The following IL1RAPL2 variants were observed in gnomAD, a reference collection of about 807,000 sequenced individuals.
IL1RAPL2 encodes X-linked interleukin-1 receptor accessory protein-like 2.
In IL1RAPL2, 3 loss-of-function variants were observed where a neutral mutation model predicts 44.1. That is an observed-to-expected ratio of 0.07 (90% CI 0.03 to 0.18). IL1RAPL2 has a LOEUF of 0.18. IL1RAPL2 is among the 10% of genes least tolerant of loss of function. The probability of loss-of-function intolerance (pLI) is 1.00; values close to 1 mark genes in which losing one functional copy is unlikely to be tolerated. For synonymous variants in IL1RAPL2, 181 were observed against 178.8 expected, an observed-to-expected ratio of 1.01 and a Z score of -0.10; for missense variants, 391 against 496.4, an observed-to-expected ratio of 0.79 and a Z score of 2.02.
intron 6 of IL1RAPL2, among the ~76,000 whole-genome samples, chrX:105,518,618 G>C (rs1425551386): frequency 1.8e-5 from 2 of 111,581 alleles, no homozygotes; most frequent in Non-Finnish European, 3.8e-5. Context: ...AGTAAAAGAA[G>C]AAAAGAGATT....
intron 2 of IL1RAPL2, among the ~76,000 whole-genome samples, chrX:104,920,402 A>T: frequency 9.1e-6 from 1 of 110,063 alleles, no homozygotes; most frequent in South Asian, 4.1e-4. Context: ...CCCCAGTGTT[A>T]GAGGTGGGGC....
At chrX:105,434,682 A>G (rs189893988) in intron 5 of IL1RAPL2, among the ~76,000 whole-genome samples, 2 of 112,196 alleles carry the variant, frequency 1.8e-5, no homozygotes, top group East Asian at 5.6e-4. Context: ...CTGTGATGAT[A>G]GTTTCCTTTG....
intron 2 of IL1RAPL2, among the ~76,000 whole-genome samples, chrX:104,689,382 C>T (rs1402063802): frequency 1.8e-5 from 2 of 111,319 alleles, no homozygotes; most frequent in Admixed American, 9.6e-5. Context: ...AGGGCTAGTG[C>T]AGGTAGAGCC....
In IL1RAPL2 at chrX:105,260,090, G is replaced by A. The variant is rs1280628422; in HGVS notation, c.544-7298G>A. On this transcript the variant is annotated intron_variant, in intron 4 of 10. Transcript: ENST00000372582. ...CCTGAAGGAGGTGGGTGGAGACCCT[G>A]GTTGGAAGGTCCCACTCAGTGAGGA... 3.6e-5 allele frequency among the ~76,000 whole-genome samples: 4 copies of A among 112,351 alleles called. No individual in the cohort carries two copies. The Admixed American group carries it at 3.7e-4, about 10-fold the overall frequency.
At chrX:104,685,260 C>T (rs1185536483) in intron 2 of IL1RAPL2, among the ~76,000 whole-genome samples, 1 of 112,107 alleles carries the variant, frequency 8.9e-6, no homozygotes, top group African/African-American at 3.2e-5. Context: ...TCAAGACTTC[C>T]ATGACTAATT....
At chrX:104,701,938 AT>A (rs912482511) in intron 2 of IL1RAPL2, among the ~76,000 whole-genome samples, 13 of 111,603 alleles carry the variant, frequency 1.2e-4, no homozygotes, top group Non-Finnish European at 2.4e-4. Flanking sequence ...GCTGATAAAA[AT>A]TTTTTTTGAA....
chrX:104,718,636 T>G (rs1328561794), intron 2 of IL1RAPL2, among the ~76,000 whole-genome samples: 1 of 111,473 alleles, frequency 9.0e-6, no homozygotes, highest in Non-Finnish European at 1.9e-5. Context: ...GTAAGTTTCC[T>G]GAGGCCTCTC....
intron 6 of IL1RAPL2, among the ~76,000 whole-genome samples, chrX:105,660,998 T>A (rs2037715955): frequency 9.0e-6 from 1 of 110,629 alleles, no homozygotes; most frequent in Admixed American, 9.6e-5. Flanking sequence ...GTTGGATAGA[T>A]TTAAAAAAAA....
chrX:105,754,039 G>C (rs1450436742), intron 9 of IL1RAPL2, among the ~76,000 whole-genome samples: 1 of 111,836 alleles, frequency 8.9e-6, no homozygotes, highest in African/African-American at 3.3e-5. Context: ...ATGAGTGGCT[G>C]CTTCATTTTA....
At chrX:104,948,274 T>G (rs1925453018) in intron 2 of IL1RAPL2, among the ~76,000 whole-genome samples, 1 of 109,767 alleles carries the variant, frequency 9.1e-6, no homozygotes, top group South Asian at 4.0e-4. Context: ...TTTTATATAC[T>G]GAGACTTTGC....
At chrX:105,681,518 G>A (rs1332670339) in intron 6 of IL1RAPL2, among the ~76,000 whole-genome samples, 1 of 112,345 alleles carries the variant, frequency 8.9e-6, no homozygotes, top group Non-Finnish European at 1.9e-5. Flanking sequence ...AGCACTTTGG[G>A]AGGCCAAGGC....
At chrX:105,396,895 C>A (rs1244796323) in intron 5 of IL1RAPL2, among the ~76,000 whole-genome samples, 2 of 111,299 alleles carry the variant, frequency 1.8e-5, no homozygotes, top group Non-Finnish European at 3.8e-5. Context: ...CCAGGCCACA[C>A]AACAGGAGGT....
intron 6 of IL1RAPL2, among the ~76,000 whole-genome samples, chrX:105,678,465 G>T (rs1174881545): frequency 9.0e-6 from 1 of 110,758 alleles, no homozygotes; most frequent in Non-Finnish European, 1.9e-5. Context: ...ACTACTTTTT[G>T]TATCCATTAA....
chrX:105,031,398 A>T (rs2031491993), intron 2 of IL1RAPL2, among the ~76,000 whole-genome samples: 1 of 110,967 alleles, frequency 9.0e-6, no homozygotes, highest in Non-Finnish European at 1.9e-5. Flanking sequence ...GATAGCTCTT[A>T]CTATTTTGAG....
At chrX:104,820,840 A>G (rs1921282801) in intron 2 of IL1RAPL2, among the ~76,000 whole-genome samples, 1 of 112,268 alleles carries the variant, frequency 8.9e-6, no homozygotes, top group South Asian at 3.7e-4. Context: ...CTAATGTGAT[A>G]ACTGGCAAAT....
chrX:105,193,931 C>T (rs1252074395), intron 2 of IL1RAPL2, among the ~76,000 whole-genome samples: 1 of 111,605 alleles, frequency 9.0e-6, no homozygotes, highest in Non-Finnish European at 1.9e-5. Flanking sequence ...TAACAGCCCA[C>T]GTGCAGCAGG....
chrX:104,570,133 G>T (rs1227651338), intron 1 of IL1RAPL2, among the ~76,000 whole-genome samples: 1 of 111,468 alleles, frequency 9.0e-6, no homozygotes, highest in Non-Finnish European at 1.9e-5. Flanking sequence ...AAAAATCATT[G>T]CCAAACCTCG....
chrX:104,717,884 C>T (rs1307066817), intron 2 of IL1RAPL2, among the ~76,000 whole-genome samples: 2 of 109,415 alleles, frequency 1.8e-5, no homozygotes, highest in Non-Finnish European at 3.8e-5. Context: ...CGATAGTTTG[C>T]TGCGAATGAT....
chrX:105,427,685 T>A (rs1211729932), intron 5 of IL1RAPL2, among the ~76,000 whole-genome samples: 3 of 112,112 alleles, frequency 2.7e-5, no homozygotes, highest in Non-Finnish European at 5.6e-5. Flanking sequence ...AAAAAGACTG[T>A]CTTCCTAGGA....
Sources: allele counts gnomAD v4.1 joint callset (sites outside exome capture counted in the v4.1 genomes callset), GRCh38; gene constraint gnomAD v4.1.1; transcripts MANE v1.5; gene names NCBI Gene and HGNC (gene_info 2026-07-23, HGNC 2026-07-21).